PCDHA6: variants seen among roughly 807,000 people sequenced by gnomAD.
PCDHA6 encodes protocadherin alpha-6.
Under a neutral mutation model 60.3 loss-of-function variants are expected in PCDHA6, and 55 were observed. The ratio of observed to expected loss-of-function variants is 0.91; its 90% confidence interval spans 0.73 to 1.14. The LOEUF (loss-of-function observed/expected upper bound fraction) is 1.14, where lower values mean the gene tolerates loss of function less well. Ranked by LOEUF, PCDHA6 falls within the 50% of genes most tolerant of loss-of-function variation. The probability of loss-of-function intolerance (pLI) is 0.00; values close to 1 mark genes in which losing one functional copy is unlikely to be tolerated. For missense variants in PCDHA6, 1,327 were observed against 1,256.5 expected (o/e 1.06, Z -0.85); for synonymous variants, 652 against 557.9 (o/e 1.17, Z -2.38).
chr5:140,998,679 C>G (rs969303770), intron 3 of PCDHA6, among the ~76,000 whole-genome samples: 1 of 152,136 alleles, frequency 6.6e-6, no homozygotes, highest in Non-Finnish European at 1.5e-5. Flanking sequence ...ATTCTCCTGC[C>G]TCAGCCTCCC....
At chr5:141,007,459 T>A (rs1323177537) in intron 3 of PCDHA6, among the ~76,000 whole-genome samples, 1 of 149,426 alleles carries the variant, frequency 6.7e-6, no homozygotes, top group Non-Finnish European at 1.5e-5. Context: ...TCCCAGCTAC[T>A]CAGGAGGCTG....
At chr5:140,941,424 C>A (rs909959554) in intron 1 of PCDHA6, among the ~76,000 whole-genome samples, 2 of 148,790 alleles carry the variant, frequency 1.3e-5, no homozygotes, top group African/African-American at 5.0e-5. Flanking sequence ...TCAAGCAATT[C>A]TCTGCCTCAG....
chr5:140,927,482 C>G, intron 1 of PCDHA6: 1 of 1,614,086 alleles, frequency 6.2e-7, no homozygotes, highest in Non-Finnish European at 8.5e-7. Flanking sequence ...GAACAGCGCG[C>G]CACCCACCTG....
At position 140,924,716 on chromosome 5, in the gene PCDHA6, G is replaced by A. The variant is rs534222527; in HGVS notation, c.2395-54233G>A. On this transcript the variant is annotated intron_variant, in intron 1 of 3. Coordinates refer to ENST00000529310, the MANE Select transcript of PCDHA6 (RefSeq NM_018909.4). The stretch of plus-strand genomic sequence containing the variant: ...TCGAGACCAGCTTGTGCAACATGGC[G>A]AAACCTCACCTCTAATAAAAATACA... Among the ~76,000 whole-genome samples, 5 of 151,980 alleles carry A rather than the reference G, an allele frequency of 3.3e-5. No homozygotes were observed. The South Asian group carries it at 1.0e-3, about 32-fold the overall frequency.
At chr5:140,850,470 C>T (rs2041624410) in intron 1 of PCDHA6, 2 of 1,597,978 alleles carry the variant, frequency 1.3e-6, no homozygotes, top group East Asian at 4.5e-5. Context: ...GGAGCCAGCG[C>T]TGACGGCCAC....
intron 1 of PCDHA6, chr5:140,926,673 A>T (rs998903830): frequency 2.1e-5 from 12 of 580,470 alleles, no homozygotes; most frequent in Non-Finnish European, 3.2e-5. Flanking sequence ...ACGGCTGCCC[A>T]GCCTCCAGCC....
At chr5:140,985,148 A>G (rs2097138818) in intron 3 of PCDHA6, among the ~76,000 whole-genome samples, 1 of 152,192 alleles carries the variant, frequency 6.6e-6, no homozygotes, top group South Asian at 2.1e-4. Context: ...CGTGTTAGCC[A>G]GGATTGTCTC....
chr5:140,871,245 G>A, intron 1 of PCDHA6: 1 of 1,613,982 alleles, frequency 6.2e-7, no homozygotes, highest in Non-Finnish European at 8.5e-7. Flanking sequence ...TACTCACGCT[G>A]CTGCTGTATA....
rs2052480735 is a variant in PCDHA6 at position 140,870,867 on chromosome 5, C to A, written c.2394+40382C>A. 5 of 1,613,908 alleles carry A rather than the reference C, an allele frequency of 3.1e-6. No individual in the cohort carries two copies. The East Asian group carries it at 8.9e-5, about 29-fold the overall frequency. ...TACCGCGGTCGGTGGGTGCGGGCCACGTGGTGGCGAAGGTGCGCGCAGTGG... is the reference window on the plus strand; with the variant it reads ...TACCGCGGTCGGTGGGTGCGGGCCAAGTGGTGGCGAAGGTGCGCGCAGTGG... On this transcript the variant is annotated intron_variant, in intron 1 of 3. Transcript: ENST00000529310.
intron 1 of PCDHA6, among the ~76,000 whole-genome samples, chr5:140,838,775 A>T (rs1233397292): frequency 2.0e-5 from 3 of 151,986 alleles, no homozygotes; most frequent in Non-Finnish European, 4.4e-5. Context: ...TTGTAAAATT[A>T]GCTATGCATG....
rs186269491 is a variant in PCDHA6, at chr5:140,841,020, C to A, written c.2394+10535C>A. Among the ~76,000 whole-genome samples, 45 of 152,032 alleles carry A rather than the reference C, an allele frequency of 3.0e-4. 2 individuals carry two copies. The highest frequency in any genetic ancestry group is 9.9e-4 in the African/African-American group (41 of 41,434). On this transcript the variant is annotated intron_variant, in intron 1 of 3. Coordinates refer to ENST00000529310, the MANE Select transcript of PCDHA6 (RefSeq NM_018909.4). ...TGTAAGGAGCCAGACAGTATGAATG[C>A]CTCTGCAATTGATAAAGTTAAGGAT...
At chr5:140,979,817 A>G (rs1228260788) in intron 2 of PCDHA6, among the ~76,000 whole-genome samples, 1 of 152,262 alleles carries the variant, frequency 6.6e-6, no homozygotes, top group Non-Finnish European at 1.5e-5. Flanking sequence ...AAAAGGATTT[A>G]ATTTTAAAGA....
Position 140,849,995 on chromosome 5 carries a change from C to T in PCDHA6, c.2394+19510C>T, listed in dbSNP as rs2150462177. The T allele has an allele frequency of 2.5e-6, 4 of 1,597,088 alleles. 1 individual carries two copies. The highest frequency in any genetic ancestry group is 1.7e-6 in the Non-Finnish European group (2 of 1,167,812). ...ACTCGCTGGTGGAGCGGCGGTTGGG[C>T]GAGCGCTCGCTGTCGAGCTACGTGT... On this transcript the variant is annotated intron_variant, in intron 1 of 3. Transcript: ENST00000529310.
chr5:140,929,443 T>C, intron 1 of PCDHA6: 1 of 1,426,882 alleles, frequency 7.0e-7, no homozygotes, highest in Non-Finnish European at 9.3e-7. Flanking sequence ...AAACACTCCT[T>C]CTTAGCACTT....
At chr5:140,926,749 G>C (rs541261946) in intron 1 of PCDHA6, 4 of 1,237,260 alleles carry the variant, frequency 3.2e-6, no homozygotes, top group Non-Finnish European at 3.1e-6. Context: ...CAACGTCGGC[G>C]GTCGCTGAGT....
intron 1 of PCDHA6, among the ~76,000 whole-genome samples, chr5:140,843,972 G>T (rs1779162813): frequency 6.7e-6 from 1 of 149,122 alleles, no homozygotes; most frequent in Non-Finnish European, 1.5e-5. Flanking sequence ...ATTTATTTTG[G>T]CCTGCCTTAC....
chr5:140,966,990 G>A, intron 1 of PCDHA6: 1 of 1,604,280 alleles, frequency 6.2e-7, no homozygotes, highest in Non-Finnish European at 8.5e-7. Context: ...TTGGGGCCGG[G>A]TTGCTTGCGC....
At chr5:140,869,140 C>A in intron 1 of PCDHA6, 8 of 1,613,188 alleles carry the variant, frequency 5.0e-6, no homozygotes, top group African/African-American at 1.3e-5. Context: ...GGGCACCCCA[C>A]GACTACAGCT....
chr5:140,928,109 A>G (rs1472439079), intron 1 of PCDHA6: 1 of 1,614,104 alleles, frequency 6.2e-7, no homozygotes, highest in Middle Eastern at 1.6e-4. Flanking sequence ...CTGGACCGGG[A>G]GCAGATCAGT....
Sources: allele counts gnomAD v4.1 joint callset (sites outside exome capture counted in the v4.1 genomes callset), GRCh38; gene constraint gnomAD v4.1.1; transcripts MANE v1.5; gene names NCBI Gene and HGNC (gene_info 2026-07-23, HGNC 2026-07-21).